Variants in SAMMSON observed in about 807,000 individuals in gnomAD.
The protein encoded by SAMMSON is survival associated mitochondrial melanoma specific oncogenic non-coding RNA.
At chr3:70,298,121 A>G (rs1702307439) in intron 7 of SAMMSON, among the ~76,000 whole-genome samples, 1 of 152,136 alleles carries the variant, frequency 6.6e-6, no homozygotes, top group Admixed American at 6.6e-5. Flanking sequence ...TGGTTTGACC[A>G]GATAAGGATA....
chr3:70,108,949 A>C (rs1234925713), intron 4 of SAMMSON, among the ~76,000 whole-genome samples: 7 of 152,118 alleles, frequency 4.6e-5, no homozygotes, highest in Non-Finnish European at 8.8e-5. Flanking sequence ...TTCTGTGGCC[A>C]ACTGGATGGC....
At chr3:70,264,670 C>A (rs1559548553) in intron 6 of SAMMSON, among the ~76,000 whole-genome samples, 1 of 152,210 alleles carries the variant, frequency 6.6e-6, no homozygotes, top group South Asian at 2.1e-4. Flanking sequence ...TAAAGACTCA[C>A]TTTGCTAAAC....
intron 4 of SAMMSON, among the ~76,000 whole-genome samples, chr3:70,220,040 G>T (rs1559538086): frequency 6.6e-6 from 1 of 152,048 alleles, no homozygotes; most frequent in Non-Finnish European, 1.5e-5. Context: ...ATAAAGAAAA[G>T]ATTTTTCAAG....
intron 4 of SAMMSON, among the ~76,000 whole-genome samples, chr3:70,192,486 C>T (rs988316700): frequency 2.0e-5 from 3 of 152,128 alleles, no homozygotes; most frequent in Non-Finnish European, 4.4e-5. Context: ...TTAAGCCAGA[C>T]TCCCCAAACC....
At chr3:70,072,838 G>C (rs1324995281) in intron 4 of SAMMSON, among the ~76,000 whole-genome samples, 1 of 151,890 alleles carries the variant, frequency 6.6e-6, no homozygotes, top group Non-Finnish European at 1.5e-5. Context: ...TGAACATGGA[G>C]CAAATGTTTA....
chr3:70,250,800 A>G (rs377538848), intron 6 of SAMMSON, among the ~76,000 whole-genome samples: 4 of 152,192 alleles, frequency 2.6e-5, no homozygotes, highest in African/African-American at 9.7e-5. Context: ...ACATAAACAT[A>G]TGCATTTCTT....
chr3:70,380,887 G>T (rs1396885842), intron 9 of SAMMSON, among the ~76,000 whole-genome samples: 1 of 152,042 alleles, frequency 6.6e-6, no homozygotes, highest in Non-Finnish European at 1.5e-5. Context: ...CCTTTTTTAT[G>T]GCTGCATAGT....
intron 4 of SAMMSON, among the ~76,000 whole-genome samples, chr3:70,116,092 A>C (rs1299253991): frequency 6.6e-6 from 1 of 152,126 alleles, no homozygotes; most frequent in Non-Finnish European, 1.5e-5. Context: ...ACTAGGTTAA[A>C]TTTCTGACAC....
chr3:70,133,998 C>T (rs1292260640), intron 4 of SAMMSON, among the ~76,000 whole-genome samples: 1 of 149,624 alleles, frequency 6.7e-6, no homozygotes, highest in East Asian at 2.0e-4. Context: ...AATCCCAGCA[C>T]TTTGGGAGGC....
At chr3:70,313,271 C>A (rs1398330278) in intron 7 of SAMMSON, among the ~76,000 whole-genome samples, 1 of 152,060 alleles carries the variant, frequency 6.6e-6, no homozygotes, top group Non-Finnish European at 1.5e-5. Flanking sequence ...AGTTCCAGAC[C>A]AGCCTGGGCA....
intron 7 of SAMMSON, among the ~76,000 whole-genome samples, chr3:70,300,718 T>C (rs182345848): frequency 7.9e-4 from 120 of 152,232 alleles, no homozygotes; most frequent in Admixed American, 1.0e-3. Context: ...TACATTCTTC[T>C]GTCATAGAAC....
chr3:70,413,056 A>G (rs1701234326), intron 2 of SAMMSON, among the ~76,000 whole-genome samples: 1 of 152,144 alleles, frequency 6.6e-6, no homozygotes, highest in Non-Finnish European at 1.5e-5. Context: ...TAACCTTAAA[A>G]GAAGTCTTAA....
intron 2 of SAMMSON, among the ~76,000 whole-genome samples, chr3:70,414,115 A>C (rs1422797846): frequency 2.6e-5 from 4 of 152,116 alleles, no homozygotes. Context: ...GAGGCCTCTG[A>C]AAATCTCTAG....
chr3:70,199,178 A>G (rs1380403220), intron 4 of SAMMSON, among the ~76,000 whole-genome samples: 4 of 152,148 alleles, frequency 2.6e-5, no homozygotes, highest in African/African-American at 9.7e-5. Flanking sequence ...TTTGGAGTTA[A>G]GTAGGGTGGG....
chr3:70,182,763 A>G (rs917503624), intron 4 of SAMMSON, among the ~76,000 whole-genome samples: 6 of 152,176 alleles, frequency 3.9e-5, no homozygotes, highest in African/African-American at 1.4e-4. Context: ...ATTTAGGGCA[A>G]TTGTGGCTTA....
At chr3:70,392,551 G>A (rs1292822918), downstream of SAMMSON, among the ~76,000 whole-genome samples, 1 of 152,008 alleles carries the variant, frequency 6.6e-6, no homozygotes, top group Admixed American at 6.6e-5. Flanking sequence ...GAAGATAGTG[G>A]TTCTGTCTCC....
intron 9 of SAMMSON, among the ~76,000 whole-genome samples, chr3:70,375,204 C>A (rs542605609): frequency 1.3e-5 from 2 of 152,218 alleles, no homozygotes; most frequent in South Asian, 2.1e-4. Context: ...CGCATTTTAT[C>A]TCTTTATTTC....
chr3:70,036,245 G>T (rs2067084643), intron 3 of SAMMSON, among the ~76,000 whole-genome samples: 1 of 152,118 alleles, frequency 6.6e-6, no homozygotes, highest in African/African-American at 2.4e-5. Flanking sequence ...GAGGTCCCTG[G>T]AGTATTGTAG....
At chr3:70,162,624 T>A (rs1253484552) in intron 4 of SAMMSON, among the ~76,000 whole-genome samples, 1 of 151,978 alleles carries the variant, frequency 6.6e-6, no homozygotes, top group Non-Finnish European at 1.5e-5. Context: ...TTGGGTGGAA[T>A]GCTCTCTAGA....
Sources: allele counts gnomAD v4.1 joint callset (sites outside exome capture counted in the v4.1 genomes callset), GRCh38; gene constraint gnomAD v4.1.1; transcripts MANE v1.5; gene names NCBI Gene and HGNC (gene_info 2026-07-23, HGNC 2026-07-21).